E2F3: variants seen among roughly 807,000 people sequenced by gnomAD.
E2F3 encodes transcription factor E2F3.
Under a neutral mutation model 44.4 loss-of-function variants are expected in E2F3, and 11 were observed. That is an observed-to-expected ratio of 0.25 (90% CI 0.16 to 0.41). The LOEUF (loss-of-function observed/expected upper bound fraction) is 0.41. E2F3 is among the 10% of genes least tolerant of loss of function. The probability of loss-of-function intolerance (pLI) is 1.00; values close to 1 mark genes in which losing one functional copy is unlikely to be tolerated. For missense variants in E2F3, 487 were observed against 583.6 expected (o/e 0.83, Z 1.70); for synonymous variants, 249 against 253.0 (o/e 0.98, Z 0.15).
chr6:20,405,054 AGT>A (rs984934807), intron 1 of E2F3, among the ~76,000 whole-genome samples: 15 of 152,200 alleles, frequency 9.9e-5, no homozygotes, highest in African/African-American at 3.4e-4. Flanking sequence ...AAATTTTAAC[AGT>A]GTTTGTTGGG....
chr6:20,408,551 C>T (rs1315489838), intron 1 of E2F3, among the ~76,000 whole-genome samples: 1 of 152,158 alleles, frequency 6.6e-6, no homozygotes, highest in Non-Finnish European at 1.5e-5. Flanking sequence ...AATTTTTGCC[C>T]TCAAATACTC....
At chr6:20,417,289 C>T (rs1759879479) in intron 1 of E2F3, among the ~76,000 whole-genome samples, 2 of 151,978 alleles carry the variant, frequency 1.3e-5, no homozygotes, top group East Asian at 1.9e-4. Context: ...ACAGGGTGAC[C>T]GTTTGATAAA....
chr6:20,488,394 T>G (rs1762459375), intron 6 of E2F3, 146 bp downstream of exon 6: 1 of 1,054,540 alleles, frequency 9.5e-7, no homozygotes, highest in African/African-American at 1.7e-5. Context: ...CTGACTGGTT[T>G]GCAGAAGAAA....
chr6:20,414,428 A>G (rs1335010079), intron 1 of E2F3, among the ~76,000 whole-genome samples: 2 of 152,082 alleles, frequency 1.3e-5, no homozygotes, highest in East Asian at 3.8e-4. Flanking sequence ...CTGAACCAAG[A>G]TAGCTCTTTT....
intron 1 of E2F3, among the ~76,000 whole-genome samples, chr6:20,424,577 G>A (rs1267377769): frequency 6.8e-6 from 1 of 147,000 alleles, no homozygotes; most frequent in Non-Finnish European, 1.5e-5. Flanking sequence ...AGGAAAATCT[G>A]CTTCCTGTTA....
At position 20,402,328 on chromosome 6, in the gene E2F3, C is replaced by T. The variant is rs1460775772; in HGVS notation, c.96C>T (p.Ser32=). The change falls in exon 1 of 7, where the codon TCC becomes TCT. Residue 32 remains serine (S), a synonymous_variant. Transcript: ENST00000346618. The surrounding 1 kb of genome is among the most constrained non-coding windows in gnomAD (Gnocchi z 5.6). ...AAVVAAAAAA[S]MDKRALLASP... ...TCGTCGCCGCCGCCGCTGCAGCCTC[C>T]ATGGACAAAAGGGCACTGCTAGCCA... 19 of 1,610,652 alleles carry T rather than the reference C, an allele frequency of 1.2e-5. No individual in the cohort carries two copies. Among genetic ancestry groups the T allele is most frequent in the Non-Finnish European group, 1.5e-5 (18 of 1,179,176 alleles).
intron 6 of E2F3, among the ~76,000 whole-genome samples, chr6:20,488,994 AAAAAG>A (rs4134978): frequency 6.6e-5 from 10 of 152,082 alleles, no homozygotes; most frequent in East Asian, 1.9e-4. Context: ...TCCATCTCAA[AAAAAG>A]AAAAGAAAAG....
chr6:20,462,607 G>A (rs974730445), intron 1 of E2F3, among the ~76,000 whole-genome samples: 3 of 151,548 alleles, frequency 2.0e-5, no homozygotes, highest in African/African-American at 2.4e-5. Context: ...ACAGGTGTCC[G>A]CCCTCTTACC....
intron 1 of E2F3, among the ~76,000 whole-genome samples, chr6:20,415,855 C>T (rs1446119467): frequency 6.6e-6 from 1 of 152,104 alleles, no homozygotes; most frequent in African/African-American, 2.4e-5. Flanking sequence ...CTCTAACTTG[C>T]AGAAGAAAGG....
At chr6:20,443,126 G>A (rs1393685775) in intron 1 of E2F3, among the ~76,000 whole-genome samples, 1 of 152,180 alleles carries the variant, frequency 6.6e-6, no homozygotes, top group Non-Finnish European at 1.5e-5. Flanking sequence ...TTGCTGTGGG[G>A]TACAGTGGCA....
intron 1 of E2F3, among the ~76,000 whole-genome samples, chr6:20,435,737 G>A (rs1024100946): frequency 6.6e-6 from 1 of 152,136 alleles, no homozygotes; most frequent in Admixed American, 6.5e-5. Context: ...GCGACAGAGG[G>A]AGACTCCGTC....
At chr6:20,449,647 G>A (rs1761061299) in intron 1 of E2F3, among the ~76,000 whole-genome samples, 1 of 152,038 alleles carries the variant, frequency 6.6e-6, no homozygotes, top group African/African-American at 2.4e-5. Context: ...AAGTTTAGGG[G>A]TACATCTGCA....
rs369168283 is a variant in E2F3 at position 20,416,264 on chromosome 6, A to G, written c.393+13639A>G. On this transcript the variant is annotated intron_variant, in intron 1 of 6. Transcript: ENST00000346618. ...CTTTGTTGCTGGTGCTTCTGCAGCT[A>G]TTTTCCTTGCTCACCTATACCCACG... 3.6e-3 allele frequency among the ~76,000 whole-genome samples: 550 copies of G among 152,140 alleles called. 7 individuals carry two copies. The highest frequency in any genetic ancestry group is 0.012 in the African/African-American group (491 of 41,490).
At chr6:20,408,661 C>CT (rs1199908105) in intron 1 of E2F3, among the ~76,000 whole-genome samples, 1 of 152,212 alleles carries the variant, frequency 6.6e-6, no homozygotes, top group Non-Finnish European at 1.5e-5. Flanking sequence ...GATGAAGAAT[C>CT]TAAGTGATGC....
rs969889185 is a variant in E2F3, at chr6:20,402,045, C to G, written c.-188C>G. ...CGGGACCCTCCTCTCTCCAGAGCCC[C>G]GATTATTTTTGGCCCCCGGGGCCTG... On this transcript the variant is annotated 5_prime_UTR_variant, in exon 1 of 7. Coordinates refer to ENST00000346618, the MANE Select transcript of E2F3 (RefSeq NM_001949.5). This position sits in a 1 kb window ranked among gnomAD's most constrained non-coding sequence, Gnocchi z 5.6. 1.9e-6 allele frequency: 2 copies of G among 1,038,516 alleles called. No individual in the cohort carries two copies. The highest frequency in any genetic ancestry group is 2.6e-6 in the Non-Finnish European group (2 of 768,656). 64.3% of individuals were successfully genotyped at this position (1,038,516 alleles called of 1,614,324 possible). A position where few individuals can be genotyped will look rare whatever the true frequency, so the allele number is the denominator to read the frequency against.
intron 4 of E2F3, among the ~76,000 whole-genome samples, chr6:20,483,777 C>G (rs558722370): frequency 6.6e-6 from 1 of 152,280 alleles, no homozygotes; most frequent in East Asian, 1.9e-4. Flanking sequence ...AGTTTTAGTT[C>G]CAAACTTCTG....
At chr6:20,482,980 G>A in intron 4 of E2F3, 60 bp downstream of exon 4, 1 of 1,606,306 alleles carries the variant, frequency 6.2e-7, no homozygotes, top group Non-Finnish European at 8.5e-7. Flanking sequence ...TTCCAGAGTT[G>A]ACAATCTGAC....
chr6:20,407,983 T>C (rs1278346151), intron 1 of E2F3, among the ~76,000 whole-genome samples: 2 of 152,254 alleles, frequency 1.3e-5, no homozygotes, highest in Admixed American at 6.5e-5. Flanking sequence ...TTCACAATTT[T>C]GTTTTTTAAA....
At chr6:20,412,095 AAC>A (rs1481262040) in intron 1 of E2F3, among the ~76,000 whole-genome samples, 1 of 152,282 alleles carries the variant, frequency 6.6e-6, no homozygotes, top group Non-Finnish European at 1.5e-5. Flanking sequence ...ACAAGCTTTA[AAC>A]ACAAGTTGAT....
Sources: allele counts gnomAD v4.1 joint callset (sites outside exome capture counted in the v4.1 genomes callset), GRCh38; gene constraint gnomAD v4.1.1; non-coding constraint Gnocchi (gnomAD v3.1); transcripts MANE v1.5; gene names NCBI Gene and HGNC (gene_info 2026-07-23, HGNC 2026-07-21).